Variants in SLCO2B1 observed in about 807,000 individuals in gnomAD.
SLCO2B1 encodes solute carrier organic anion transporter family member 2B1, also known as OATP-RP2.
SLCO2B1 carries 41 observed loss-of-function variants against 67.3 expected under a neutral mutation model. The observed-to-expected ratio is 0.61, with a 90% CI of 0.47 to 0.79. SLCO2B1 has a LOEUF of 0.79. Among genes scored for constraint, SLCO2B1 ranks in the 30% least tolerant of loss-of-function variants. SLCO2B1 has a pLI of 0.00. For synonymous variants in SLCO2B1, 379 were observed against 381.4 expected (o/e 0.99, Z 0.07); for missense variants, 837 against 920.1 (o/e 0.91, Z 1.17).
chr11:75,169,362 A>G lies in SLCO2B1; in HGVS notation c.638A>G (p.Tyr213Cys), dbSNP rs1159065092. 11 of 1,610,910 alleles carry G rather than the reference A, an allele frequency of 6.8e-6. No individual in the cohort carries two copies. The highest frequency in any genetic ancestry group is 9.3e-6 in the Non-Finnish European group (11 of 1,177,592). Residue 213 changes from tyrosine to cysteine, a missense_variant, in exon 5 of 14, where the codon TAC becomes TGC. Coordinates refer to ENST00000289575, the MANE Select transcript of SLCO2B1 (RefSeq NM_007256.5). ...GVPIQPFGISYIDDFAHNSNS... is the reference protein window; with the variant it reads ...GVPIQPFGISCIDDFAHNSNS... ...CCCATTCAGCCCTTTGGCATCTCCT[A>G]CATCGATGACTTTGCCCACAACAGC...
chr11:75,203,336 A>G lies in SLCO2B1; in HGVS notation c.1858A>G (p.Ser620Gly), dbSNP rs564567772. The G allele has an allele frequency of 7.4e-6, 12 of 1,613,946 alleles. No homozygotes were observed. The highest frequency in any genetic ancestry group is 1.0e-5 in the Non-Finnish European group (12 of 1,180,020). Reference protein sequence around the residue: ...AWMPSPVIHGSAIDTTCVHWA... With the variant: ...AWMPSPVIHGGAIDTTCVHWA... ...GATGCCCAGCCCCGTGATCCACGGC[A>G]GCGCCATCGACACCACCTGTGTGCA... The change falls in exon 13 of 14, where the codon AGC becomes GGC. Residue 620 changes from serine (S) to glycine (G), a missense_variant. Physicochemically the swap from Ser to Gly is moderately conservative, Grantham distance 56. Coordinates refer to ENST00000289575, the MANE Select transcript of SLCO2B1 (RefSeq NM_007256.5).
chr11:75,200,292 G>A lies in SLCO2B1; in HGVS notation c.1668G>A (p.Thr556=), dbSNP rs773751583. The change falls in exon 11 of 14, where the codon ACG becomes ACA. Residue 556 remains threonine (T), a synonymous_variant. Transcript: ENST00000289575. The stretch of plus-strand genomic sequence containing the variant: ...TGCTGGCAGGATCCTGCGACTCAAC[G>A]TGCAGCCATCTGGTGGTGCCCTTCC... The part of the protein sequence containing the change: ...NPVLAGSCDS[T]CSHLVVPFLL... 6 of 1,613,878 alleles carry A rather than the reference G, an allele frequency of 3.7e-6. 1 individual carries two copies. In the South Asian group the frequency reaches 4.4e-5, roughly 12 times the overall value.
intron 7 of SLCO2B1, 58 bp from the exon 8 acceptor site, chr11:75,188,078 A>C: frequency 7.9e-7 from 1 of 1,259,512 alleles, no homozygotes; most frequent in Non-Finnish European, 1.1e-6. Flanking sequence ...CCCACAGCCA[A>C]CTCTGAGTGG....
chr11:75,174,140 A>G (rs1252357274), intron 7 of SLCO2B1, among the ~76,000 whole-genome samples: 1 of 152,170 alleles, frequency 6.6e-6, no homozygotes, highest in Non-Finnish European at 1.5e-5. Context: ...CAAGTTCATT[A>G]ATTTTTTTAA....
chr11:75,159,890 G>C (rs1949794672), intron 1 of SLCO2B1: 1 of 985,084 alleles, frequency 1.0e-6, no homozygotes, highest in African/African-American at 1.7e-5. Context: ...TGGAGTGGGA[G>C]ATCACCTGAG....
At chr11:75,172,248 C>A in intron 6 of SLCO2B1, 131 bp from the exon 7 acceptor site, 1 of 752,114 alleles carries the variant, frequency 1.3e-6, no homozygotes, top group Non-Finnish European at 2.1e-6. Context: ...CCTGGCAGAG[C>A]AGACTGGAAC....
chr11:75,201,924 C>T (rs1402360923), intron 11 of SLCO2B1: 1 of 152,180 alleles, frequency 6.6e-6, no homozygotes, highest in Non-Finnish European at 1.5e-5. Flanking sequence ...GCTGAAAGTC[C>T]TAACCCTCTA....
At chr11:75,161,601 T>C (rs1443206636) in intron 1 of SLCO2B1, among the ~76,000 whole-genome samples, 3 of 152,106 alleles carry the variant, frequency 2.0e-5, no homozygotes, top group Non-Finnish European at 2.9e-5. Flanking sequence ...AGAGGAATCC[T>C]GAGGTCAATT....
rs1300059629 is a variant in SLCO2B1, at chr11:75,162,910, T to C, written c.147+125T>C. ...TTTCCTCATCTATAGAATGTGTGGC[T>C]GTGAGGATCAAAGGGATGATCTGCG... On this transcript the variant is annotated intron_variant, in intron 2 of 13. Coordinates refer to ENST00000289575, the MANE Select transcript of SLCO2B1 (RefSeq NM_007256.5). The C allele has an allele frequency of 1.4e-5, 17 of 1,191,674 alleles. No homozygotes were observed. The East Asian group carries it at 3.5e-4, about 25-fold the overall frequency. The allele number at this position is 1,191,674 out of a possible 1,614,324, so 73.8% of individuals were successfully genotyped here.
At chr11:75,153,662 C>T (rs187203928) in intron 1 of SLCO2B1, among the ~76,000 whole-genome samples, 155 of 152,326 alleles carry the variant, frequency 1.0e-3, no homozygotes, top group Non-Finnish European at 1.9e-3. Flanking sequence ...AGTGACTACA[C>T]CTGCATGTCT....
chr11:75,187,147 G>A lies in SLCO2B1; in HGVS notation c.973-989G>A, dbSNP rs1280797761. Among the ~76,000 whole-genome samples, 4 of 152,204 alleles carry A rather than the reference G, an allele frequency of 2.6e-5. No individual in the cohort carries two copies. In the East Asian group the frequency reaches 5.8e-4, roughly 22 times the overall value. On this transcript the variant is annotated intron_variant, in intron 7 of 13. Coordinates refer to ENST00000289575, the MANE Select transcript of SLCO2B1 (RefSeq NM_007256.5). The stretch of plus-strand genomic sequence containing the variant: ...ACGTATATACTTCAGGAGGTTGTGA[G>A]GTTTCGGTAAGTTATGCATTAGTCA...
At chr11:75,196,453 C>A in intron 9 of SLCO2B1, 61 bp from the exon 10 acceptor site, 1 of 1,546,214 alleles carries the variant, frequency 6.5e-7, no homozygotes, top group Non-Finnish European at 8.8e-7. Flanking sequence ...CCGAGGATGC[C>A]CCAGCTAGTG....
At chr11:75,153,360 A>G (rs746249105) in intron 1 of SLCO2B1, among the ~76,000 whole-genome samples, 17 of 152,210 alleles carry the variant, frequency 1.1e-4, no homozygotes, top group Admixed American at 7.8e-4. Flanking sequence ...GGGCGAGGGA[A>G]AGAACCAGCA....
At chr11:75,158,785 G>T (rs1256803331) in intron 1 of SLCO2B1, among the ~76,000 whole-genome samples, 1 of 152,212 alleles carries the variant, frequency 6.6e-6, no homozygotes, top group East Asian at 1.9e-4. Flanking sequence ...TTCCAACCCA[G>T]GTCTGAGGCC....
chr11:75,199,396 G>A (rs888202194), intron 10 of SLCO2B1, among the ~76,000 whole-genome samples: 1 of 152,098 alleles, frequency 6.6e-6, no homozygotes, highest in African/African-American at 2.4e-5. Flanking sequence ...CCCACTCTAT[G>A]ATGGGCTCCT....
intron 7 of SLCO2B1, among the ~76,000 whole-genome samples, chr11:75,186,968 C>A (rs1279943778): frequency 6.6e-6 from 1 of 152,190 alleles, no homozygotes; most frequent in Non-Finnish European, 1.5e-5. Context: ...CCTAGCTGGA[C>A]CACTTATTAT....
At chr11:75,172,319 C>A (rs781321184) in intron 6 of SLCO2B1, 60 bp from the exon 7 acceptor site, 2 of 1,478,924 alleles carry the variant, frequency 1.4e-6, no homozygotes, top group East Asian at 2.3e-5. Context: ...CCCAGGATGG[C>A]GGCTTAGAAG....
At chr11:75,184,731 G>A (rs1449901071) in intron 7 of SLCO2B1, among the ~76,000 whole-genome samples, 2 of 151,680 alleles carry the variant, frequency 1.3e-5, no homozygotes, top group East Asian at 3.9e-4. Context: ...CTATCTCAGA[G>A]GGTACGTGGC....
chr11:75,202,635 T>G, intron 11 of SLCO2B1: 3 of 481,044 alleles, frequency 6.2e-6, no homozygotes, highest in South Asian at 3.3e-5. Flanking sequence ...GGAAGAGGAG[T>G]GATGTCTGTG....
Sources: allele counts gnomAD v4.1 joint callset (sites outside exome capture counted in the v4.1 genomes callset), GRCh38; gene constraint gnomAD v4.1.1; transcripts MANE v1.5; gene names NCBI Gene and HGNC (gene_info 2026-07-23, HGNC 2026-07-21).